MSL2: variants seen among roughly 807,000 people sequenced by gnomAD.
The protein encoded by MSL2 is E3 ubiquitin-protein ligase MSL2.
A neutral mutation model predicts 35.8 loss-of-function variants in MSL2; 2 were observed. The ratio of observed to expected loss-of-function variants is 0.06; its 90% CI spans 0.02 to 0.18. MSL2 has a LOEUF of 0.18. MSL2 is among the 10% of genes least tolerant of loss of function. MSL2 has a pLI of 1.00. For missense variants in MSL2, 523 were observed against 706.7 expected (o/e 0.74, Z 2.95); for synonymous variants, 296 against 255.7 (o/e 1.16, Z -1.50).
At chr3:136,189,348 A>G (rs1940617713) in intron 1 of MSL2, among the ~76,000 whole-genome samples, 1 of 145,800 alleles carries the variant, frequency 6.9e-6, no homozygotes, top group Admixed American at 7.1e-5. Context: ...TCTGCTATCT[A>G]TAGCTGAATT....
chr3:136,195,125 C>A lies in MSL2; in HGVS notation c.-12G>T. ...TTCACGGGGTTCATTGCAGACACTT[C>A]GACACCAATGGCTCCCGGTTGAAAA... is the stretch of plus-strand genomic sequence containing the variant. On this transcript the variant is annotated 5_prime_UTR_variant, in exon 1 of 2. Coordinates refer to ENST00000309993, the MANE Select transcript of MSL2 (RefSeq NM_018133.4). The A allele has an allele frequency of 6.3e-7, 1 of 1,586,376 alleles. No individual in the cohort carries two copies. The highest frequency in any genetic ancestry group is 1.1e-5 in the South Asian group (1 of 87,764).
intron 1 of MSL2, among the ~76,000 whole-genome samples, chr3:136,188,803 AC>A (rs1199425486): frequency 6.6e-6 from 1 of 151,192 alleles, no homozygotes; most frequent in African/African-American, 2.4e-5. Context: ...ACCAGATCTT[AC>A]CAGACTGAAA....
intron 1 of MSL2, among the ~76,000 whole-genome samples, chr3:136,179,647 GAAAA>G (rs373108836): frequency 6.6e-6 from 1 of 151,550 alleles, no homozygotes; most frequent in African/African-American, 2.4e-5. Flanking sequence ...TGATTTGAAG[GAAAA>G]AAAACTACTT....
rs113552553 is a variant in MSL2 at position 136,155,727 on chromosome 3, C to T, written c.143-2989G>A. 8.8e-5 allele frequency: 44 copies of T among 502,688 alleles called. 1 individual carries two copies. The highest frequency in any genetic ancestry group is 6.8e-4 in the African/African-American group (35 of 51,308). 31.1% of individuals were successfully genotyped at this position (502,688 alleles called of 1,614,324 possible). On this transcript the variant is annotated intron_variant, in intron 1 of 1. Transcript: ENST00000309993. The stretch of plus-strand genomic sequence containing the variant: ...GTATGCTGGGGTCCTTTTGTGCCTG[C>T]TTCCCCTCCTTCTACAGACGGAATT...
chr3:136,159,906 A>G lies in MSL2; in HGVS notation c.143-7168T>C, dbSNP rs532433573. Among the ~76,000 whole-genome samples the G allele has an allele frequency of 3.6e-5, 5 of 139,190 alleles. No individual in the cohort carries two copies. In the East Asian group the frequency reaches 7.8e-4, roughly 22 times the overall value. The allele number at this position is 139,190 out of a possible 152,430, so 91.3% of individuals were successfully genotyped here. On this transcript the variant is annotated intron_variant, in intron 1 of 1. Transcript: ENST00000309993. ...ATCAAATGCACAATTCACAAAAAGG[A>G]AAAAAAAATAGTTAAATGGATTTTC...
chr3:136,187,937 A>AT (rs1474237319), intron 1 of MSL2, among the ~76,000 whole-genome samples: 1 of 152,018 alleles, frequency 6.6e-6, no homozygotes, highest in Non-Finnish European at 1.5e-5. Context: ...TGTAGAACAT[A>AT]TTTTTTAAAA....
At chr3:136,191,221 C>T (rs1037478939) in intron 1 of MSL2, among the ~76,000 whole-genome samples, 1 of 152,174 alleles carries the variant, frequency 6.6e-6, no homozygotes, top group African/African-American at 2.4e-5. Context: ...GTAATCCCAG[C>T]ACTTTGGAAG....
chr3:136,187,737 A>G (rs180690056), intron 1 of MSL2, among the ~76,000 whole-genome samples: 4 of 152,152 alleles, frequency 2.6e-5, no homozygotes, highest in Admixed American at 2.6e-4. Context: ...TTGTATCACT[A>G]TCCTACTTAA....
At chr3:136,158,173 G>A (rs1576356935) in intron 1 of MSL2, among the ~76,000 whole-genome samples, 2 of 152,134 alleles carry the variant, frequency 1.3e-5, no homozygotes, top group Middle Eastern at 3.4e-3. Flanking sequence ...TTAGCCGGGC[G>A]TGGTGGCGCA....
intron 1 of MSL2, among the ~76,000 whole-genome samples, chr3:136,161,546 G>C (rs1161708491): frequency 6.6e-6 from 1 of 152,084 alleles, no homozygotes; most frequent in African/African-American, 2.4e-5. Flanking sequence ...ATAAAGTATT[G>C]GTACATGCCA....
intron 1 of MSL2, among the ~76,000 whole-genome samples, chr3:136,161,262 A>G (rs1939700966): frequency 1.3e-5 from 2 of 152,242 alleles, no homozygotes; most frequent in Admixed American, 1.3e-4. Flanking sequence ...CTGCTCGTAA[A>G]ATGTAAAACA....
intron 1 of MSL2, among the ~76,000 whole-genome samples, chr3:136,187,389 G>A (rs940713877): frequency 2.6e-5 from 4 of 152,048 alleles, no homozygotes; most frequent in Non-Finnish European, 4.4e-5. Context: ...TTGGCCAGGC[G>A]CAGTGGCTCA....
intron 1 of MSL2, among the ~76,000 whole-genome samples, chr3:136,158,862 T>G (rs1939610104): frequency 6.6e-6 from 1 of 152,154 alleles, no homozygotes. Flanking sequence ...CCATTCACAA[T>G]AGCATCAAGA....
chr3:136,190,374 G>A (rs1478533469), intron 1 of MSL2, among the ~76,000 whole-genome samples: 1 of 151,980 alleles, frequency 6.6e-6, no homozygotes, highest in Non-Finnish European at 1.5e-5. Context: ...ACACAGCAAG[G>A]CCACATCTCT....
chr3:136,152,054 C>T lies in MSL2; in HGVS notation c.827G>A (p.Ser276Asn), dbSNP rs772284504. The T allele has an allele frequency of 6.8e-6, 11 of 1,614,182 alleles. No individual in the cohort carries two copies. The highest frequency in any genetic ancestry group is 1.1e-5 in the South Asian group (1 of 91,084). Residue 276 changes from serine to asparagine, a missense_variant, in exon 2 of 2, where the codon AGC becomes AAC. Physicochemically the swap from Ser to Asn is conservative, Grantham distance 46 (BLOSUM62 1). This residue lies in a region of MSL2 where 361 missense variants were observed against 414.6 expected (regional missense o/e 0.87). Coordinates refer to ENST00000309993, the MANE Select transcript of MSL2 (RefSeq NM_018133.4). ...LLLSVEEVLR[S>N]LETVSNTEVC... ...CTCTGTATTTGAAACAGTTTCTAAG[C>T]TGCGGAGTACTTCCTCAACACTCAG...
intron 1 of MSL2, among the ~76,000 whole-genome samples, chr3:136,191,110 G>A (rs1335998165): frequency 6.6e-6 from 1 of 152,122 alleles, no homozygotes; most frequent in African/African-American, 2.4e-5. Context: ...CTGTGCAAAG[G>A]TGGGATATTA....
chr3:136,157,932 CA>C (rs1559958484), intron 1 of MSL2, among the ~76,000 whole-genome samples: 1 of 152,084 alleles, frequency 6.6e-6, no homozygotes, highest in Non-Finnish European at 1.5e-5. Context: ...GAATAACACC[CA>C]AACATAGAGG....
chr3:136,182,819 G>C (rs554388835), intron 1 of MSL2, among the ~76,000 whole-genome samples: 1 of 152,070 alleles, frequency 6.6e-6, no homozygotes, highest in African/African-American at 2.4e-5. Flanking sequence ...AACTACCAGA[G>C]AAGCCCCAGA....
intron 1 of MSL2, among the ~76,000 whole-genome samples, chr3:136,159,152 C>T (rs1939621144): frequency 6.6e-6 from 1 of 151,960 alleles, no homozygotes; most frequent in African/African-American, 2.4e-5. Context: ...TGAAAAACAA[C>T]AAAATTACAG....
Sources: gnomAD v4.1 joint callset for allele counts (sites outside exome capture counted in the v4.1 genomes callset) on GRCh38, gnomAD v4.1.1 for gene constraint, gnomAD v4.1.1 regional missense constraint, MANE v1.5 for transcripts, NCBI Gene and HGNC (gene_info 2026-07-23, HGNC 2026-07-21) for gene names.